The following RNF183 variants were observed in gnomAD, a reference collection of about 807,000 sequenced individuals.
RNF183 encodes E3 ubiquitin-protein ligase RNF183.
A neutral mutation model predicts 9.0 loss-of-function variants in RNF183; 4 were observed. The observed-to-expected ratio is 0.44, with a 90% CI of 0.22 to 1.01. The LOEUF is 1.01. Ranked by LOEUF, RNF183 falls within the 50% of genes least tolerant of loss-of-function variation. The pLI is 0.25. For synonymous variants in RNF183, 102 were observed against 107.5 expected, an observed-to-expected ratio of 0.95 and a Z score of 0.32; for missense variants, 227 against 253.6, an observed-to-expected ratio of 0.89 and a Z score of 0.71.
chr9:113,298,131 G>C lies in RNF183; in HGVS notation c.54C>G (p.Asn18Lys), dbSNP rs779511407. The C allele has an allele frequency of 1.2e-6, 2 of 1,614,042 alleles. No individual in the cohort carries two copies. Among genetic ancestry groups the C allele is most frequent in the South Asian group, 1.1e-5 (1 of 91,080 alleles). ...GGGTATGGAACGTGTTGTTGAAGGG[G>C]TTCCAGCAGACGGGGCACTCAGCCT... ...ELEAECPVCW[N>K]PFNNTFHTPK... The change falls in exon 5 of 5, where the codon AAC becomes AAG. Residue 18 changes from asparagine to lysine, a missense_variant. Coordinates refer to ENST00000489339, the MANE Select transcript of RNF183 (RefSeq NM_001371237.1). The surrounding 1 kb of genome is among the most constrained non-coding windows in gnomAD (Gnocchi z 4.9).
chr9:113,300,582 A>C (rs1249099531), intron 3 of RNF183, among the ~76,000 whole-genome samples: 3 of 152,214 alleles, frequency 2.0e-5, no homozygotes, highest in Non-Finnish European at 4.4e-5. Flanking sequence ...CAAAGTATAT[A>C]GGAATCCAGC....
intron 4 of RNF183, 163 bp downstream of exon 4, chr9:113,299,409 G>A (rs1055512729): frequency 6.6e-6 from 1 of 152,300 alleles, no homozygotes; most frequent in Non-Finnish European, 1.5e-5. Flanking sequence ...CTCTTCGAAA[G>A]TGGCTGGAAC....
Position 113,298,010 on chromosome 9 carries a change from A to G in RNF183, c.175T>C (p.Cys59Arg). The G allele has an allele frequency of 6.2e-7, 1 of 1,614,034 alleles. No homozygotes were observed. The highest frequency in any genetic ancestry group is 2.2e-5 in the East Asian group (1 of 44,856). The stretch of plus-strand genomic sequence containing the variant: ...GAGGCCAGCACTGTGGGCTGGCGAC[A>G]GAGTGGGCACAGCAGGCGGCGCCGG... ...PARRRLLCPL[C>R]RQPTVLASGQ... The change falls in exon 5 of 5, where the codon TGT (cysteine) becomes CGT (arginine). Residue 59 changes from cysteine to arginine, a missense_variant. Coordinates refer to ENST00000489339, the MANE Select transcript of RNF183 (RefSeq NM_001371237.1). This position sits in a 1 kb window ranked among gnomAD's most constrained non-coding sequence, Gnocchi z 4.9.
At position 113,300,244 on chromosome 9, in the gene RNF183, C is replaced by T. The variant is rs566074714; in HGVS notation, c.-241-469G>A. 1.6e-4 allele frequency among the ~76,000 whole-genome samples: 24 copies of T among 152,276 alleles called. No individual in the cohort carries two copies. The South Asian group carries it at 4.1e-3, about 26-fold the overall frequency. ...ATGCAGAGGGAGATGGAGCCCTAAG[C>T]GAAACTAGGGTAGTTTAGCAGGGCT... On this transcript the variant is annotated intron_variant, in intron 3 of 4. Coordinates refer to ENST00000489339, the MANE Select transcript of RNF183 (RefSeq NM_001371237.1).
chr9:113,302,512 C>T (rs1009721634), intron 1 of RNF183, among the ~76,000 whole-genome samples, 199 bp from the exon 2 acceptor site: 1 of 152,186 alleles, frequency 6.6e-6, no homozygotes, highest in Non-Finnish European at 1.5e-5. Context: ...TTACAAAGGG[C>T]CCTGGCCCTT....
rs1463460097 is a variant in RNF183 at position 113,297,978 on chromosome 9, C to T, written c.207G>A (p.Gln69=). ...CRQPTVLASG[Q]PVTDLPTDTA... ...TGTCCGTGGGCAAGTCAGTGACAGG[C>T]TGCCCTGAGGCCAGCACTGTGGGCT... The change falls in exon 5 of 5, where the codon CAG becomes CAA. Residue 69 remains glutamine (Q), a synonymous_variant. Transcript: ENST00000489339. 5 of 1,613,872 alleles carry T rather than the reference C, an allele frequency of 3.1e-6. No homozygotes were observed. The South Asian group carries it at 4.4e-5, about 14-fold the overall frequency.
rs1426731785 is a variant in RNF183, at chr9:113,302,189, A to G, written c.-322+6T>C. On this transcript the variant is annotated splice_donor_region_variant and intron_variant, in intron 2 of 4. Transcript: ENST00000489339. ...GATCTCCTGTTTCCCCCCAAATCAG[A>G]CCTACCTTCTCTGAAGTTCCATGGC... The G allele has an allele frequency of 1.3e-5, 2 of 151,784 alleles. No homozygotes were observed. The highest frequency in any genetic ancestry group is 4.8e-5 in the African/African-American group (2 of 41,294). 9.4% of individuals were successfully genotyped at this position (151,784 alleles called of 1,614,324 possible).
chr9:113,301,040 C>A (rs1294413626), intron 3 of RNF183, among the ~76,000 whole-genome samples: 1 of 152,056 alleles, frequency 6.6e-6, no homozygotes. Context: ...TCTAGGGATC[C>A]AGTTGTAGTT....
chr9:113,298,205 G>C lies in RNF183; in HGVS notation c.-21C>G, dbSNP rs1832801606. On this transcript the variant is annotated 5_prime_UTR_variant, in exon 5 of 5. Coordinates refer to ENST00000489339, the MANE Select transcript of RNF183 (RefSeq NM_001371237.1). This position sits in a 1 kb window ranked among gnomAD's most constrained non-coding sequence, Gnocchi z 4.9. ...GCCATCCTCAGCCACACACGGGGAG[G>C]CTTCGCGGGAGACGTCCTGGCAGAA... 1 of 1,591,254 alleles carries C rather than the reference G, an allele frequency of 6.3e-7. No individual in the cohort carries two copies. Among genetic ancestry groups the C allele is most frequent in the Non-Finnish European group, 8.6e-7 (1 of 1,165,218 alleles).
chr9:113,297,988 G>A lies in RNF183; in HGVS notation c.197C>T (p.Ala66Val), dbSNP rs1416483985. 1.2e-6 allele frequency: 2 copies of A among 1,613,740 alleles called. No homozygotes were observed. The highest frequency in any genetic ancestry group is 3.3e-5 in the Admixed American group (2 of 59,936). ...CAAGTCAGTGACAGGCTGCCCTGAGGCCAGCACTGTGGGCTGGCGACAGAG... is the reference window on the plus strand; with the variant it reads ...CAAGTCAGTGACAGGCTGCCCTGAGACCAGCACTGTGGGCTGGCGACAGAG... ...CPLCRQPTVL[A>V]SGQPVTDLPT... is the part of the protein sequence containing the mutation. The change falls in exon 5 of 5, where the codon GCC (alanine) becomes GTC (valine). Residue 66 changes from alanine (A) to valine (V), a missense_variant. Physicochemically the swap from Ala to Val is moderately conservative, Grantham distance 64 (BLOSUM62 0). Coordinates refer to ENST00000489339, the MANE Select transcript of RNF183 (RefSeq NM_001371237.1).
Position 113,302,183 on chromosome 9 carries a change from A to T in RNF183, c.-322+12T>A, listed in dbSNP as rs76637155. On this transcript the variant is annotated intron_variant, in intron 2 of 4. Coordinates refer to ENST00000489339, the MANE Select transcript of RNF183 (RefSeq NM_001371237.1). ...CGTCAAGATCTCCTGTTTCCCCCCAAATCAGACCTACCTTCTCTGAAGTTC... is the reference window on the plus strand; with the variant it reads ...CGTCAAGATCTCCTGTTTCCCCCCATATCAGACCTACCTTCTCTGAAGTTC... 1 of 152,040 alleles carries T rather than the reference A, an allele frequency of 6.6e-6. No homozygotes were observed. The highest frequency in any genetic ancestry group is 1.5e-5 in the Non-Finnish European group (1 of 68,012). The allele number at this position is 152,040 out of a possible 1,614,324, so 9.4% of individuals were successfully genotyped here.
Position 113,298,027 on chromosome 9 carries a change from C to T in RNF183, c.158G>A (p.Arg53His), listed in dbSNP as rs757935882. The T allele has an allele frequency of 6.8e-6, 11 of 1,613,964 alleles. No homozygotes were observed. The highest frequency in any genetic ancestry group is 2.2e-5 in the East Asian group (1 of 44,844). Residue 53 changes from arginine (R) to histidine (H), a missense_variant, in exon 5 of 5, where the codon CGC becomes CAC. Physicochemically the swap from Arg to His is conservative, Grantham distance 29. Transcript: ENST00000489339. This position sits in a 1 kb window ranked among gnomAD's most constrained non-coding sequence, Gnocchi z 4.9. ...HLSLVTPARR[R>H]LLCPLCRQPT... ...CTGGCGACAGAGTGGGCACAGCAGG[C>T]GGCGCCGGGCTGGAGTCACAAGGCT...
chr9:113,297,619 C>T lies in RNF183; in HGVS notation c.566G>A (p.Trp189Ter). Residue 189 changes from tryptophan (W) to a stop codon, truncating the protein, a stop_gained, in exon 5 of 5, where the codon TGG (tryptophan) becomes TAG (stop). Coordinates refer to ENST00000489339, the MANE Select transcript of RNF183 (RefSeq NM_001371237.1). LOFTEE classifies it high-confidence loss of function. ...FSIFWTKQFL[W>*]GVG ...TGGGAACAGCACTCACCCCACACCC[C>T]AAAGGAACTGCTTGGTCCAAAAGAT... 6.3e-7 allele frequency: 1 copy of T among 1,599,200 alleles called. No homozygotes were observed. The highest frequency in any genetic ancestry group is 1.1e-5 in the South Asian group (1 of 88,584).
At position 113,297,384 on chromosome 9, in the gene RNF183, C is replaced by G; in HGVS notation, c.*222G>C. 5.2e-6 allele frequency: 2 copies of G among 387,810 alleles called. No homozygotes were observed. The highest frequency in any genetic ancestry group is 9.4e-6 in the Non-Finnish European group (2 of 212,964). 24.0% of individuals were successfully genotyped at this position (387,810 alleles called of 1,614,324 possible). On this transcript the variant is annotated 3_prime_UTR_variant, in exon 5 of 5. Transcript: ENST00000489339. ...CCGCTTCTCTGCCCTTCCATGACGC[C>G]ACACTCACACCCGGAGGTCGCTCCA...
intron 3 of RNF183, among the ~76,000 whole-genome samples, chr9:113,300,979 G>A (rs1832900874): frequency 6.6e-6 from 1 of 152,160 alleles, no homozygotes; most frequent in African/African-American, 2.4e-5. Context: ...GATGGGATAA[G>A]TGATATCTTT....
At chr9:113,302,847 C>A (rs1021856726) in intron 1 of RNF183, among the ~76,000 whole-genome samples, 4 of 152,208 alleles carry the variant, frequency 2.6e-5, no homozygotes, top group African/African-American at 9.7e-5. Context: ...TATTTTTAGA[C>A]CCATTTTCTA....
At chr9:113,299,109 G>C (rs1832837280) in intron 4 of RNF183, 1 of 152,204 alleles carries the variant, frequency 6.6e-6, no homozygotes, top group South Asian at 2.1e-4. Flanking sequence ...CATGCACGCA[G>C]CACCTGGGGC....
In RNF183 at chr9:113,299,775, G is replaced by A. The variant is rs1832858030; in HGVS notation, c.-241C>T. 1 of 152,164 alleles carries A rather than the reference G, an allele frequency of 6.6e-6. No individual in the cohort carries two copies. The highest frequency in any genetic ancestry group is 2.4e-5 in the African/African-American group (1 of 41,432). 9.4% of individuals were successfully genotyped at this position (152,164 alleles called of 1,614,324 possible). A position where few individuals can be genotyped will look rare whatever the true frequency, so the allele number is the denominator to read the frequency against. On this transcript the variant is annotated splice_region_variant and 5_prime_UTR_variant, in exon 4 of 5. Coordinates refer to ENST00000489339, the MANE Select transcript of RNF183 (RefSeq NM_001371237.1). ...TTCGAATAATTTGAAGAGTTGATCT[G>A]CTGGGGAAAAGAAAAAGTTTAAAAA...
Position 113,302,307 on chromosome 9 carries a change from G to C in RNF183, c.-434C>G, listed in dbSNP as rs1056123028. On this transcript the variant is annotated 5_prime_UTR_variant, in exon 2 of 5. Coordinates refer to ENST00000489339, the MANE Select transcript of RNF183 (RefSeq NM_001371237.1). ...CTCCCAGGGATCCACTGCTGTTTCA[G>C]GATCAGCTGGGGAGAGATTCTGGCC... The C allele has an allele frequency of 6.6e-6, 1 of 152,114 alleles. No homozygotes were observed. The highest frequency in any genetic ancestry group is 2.4e-5 in the African/African-American group (1 of 41,420). The allele number at this position is 152,114 out of a possible 1,614,324, so 9.4% of individuals were successfully genotyped here.
Sources: allele counts gnomAD v4.1 joint callset (sites outside exome capture counted in the v4.1 genomes callset), GRCh38; gene constraint gnomAD v4.1.1; non-coding constraint Gnocchi (gnomAD v3.1); transcripts MANE v1.5; gene names NCBI Gene and HGNC (gene_info 2026-07-23, HGNC 2026-07-21).